The following NFXL1 variants were observed in gnomAD, a reference collection of about 807,000 sequenced individuals.
NFXL1 encodes NF-X1-type zinc finger protein NFXL1.
A neutral mutation model predicts 123.3 loss-of-function variants in NFXL1; 66 were observed. That is an observed-to-expected ratio of 0.54 (90% CI 0.44 to 0.66). The LOEUF (loss-of-function observed/expected upper bound fraction) is 0.66. Ranked by LOEUF, NFXL1 falls within the 30% of genes least tolerant of loss-of-function variation. The pLI is 0.00. For missense variants in NFXL1, 944 were observed against 1,125.6 expected (o/e 0.84, Z 2.31); for synonymous variants, 346 against 360.8 (o/e 0.96, Z 0.46).
intron 14 of NFXL1, among the ~76,000 whole-genome samples, chr4:47,885,035 G>A (rs138706816): frequency 1.9e-3 from 285 of 151,502 alleles, no homozygotes; most frequent in African/African-American, 6.7e-3. Flanking sequence ...GCTAAGGCAC[G>A]AGAGTCACTG....
chr4:47,898,075 C>T lies in NFXL1; in HGVS notation c.1096G>A (p.Gly366Arg). 1 of 1,590,662 alleles carries T rather than the reference C, an allele frequency of 6.3e-7. No homozygotes were observed. Among genetic ancestry groups the T allele is most frequent in the Non-Finnish European group, 8.6e-7 (1 of 1,168,250 alleles). Residue 366 changes from glycine (G) to arginine (R), a missense_variant, in exon 9 of 23, where the codon GGA becomes AGA. Gly to Arg is a moderately radical substitution (Grantham distance 125, BLOSUM62 -2). Transcript: ENST00000507489. Reference sequence around the variant, plus strand: ...TGATTACCACATGGCAGTGTTTTTCCACATACCTAAAATAAAATGCAATAA... The same window carrying T: ...TGATTACCACATGGCAGTGTTTTTCTACATACCTAAAATAAAATGCAATAA... Reference protein sequence around the residue: ...SPLWHCDQVCGKTLPCGNHTC... With the variant: ...SPLWHCDQVCRKTLPCGNHTC...
Position 47,894,314 on chromosome 4 carries a change from A to G in NFXL1, c.1330-12T>C, listed in dbSNP as rs987145347. 6.4e-7 allele frequency: 1 copy of G among 1,558,150 alleles called. No individual in the cohort carries two copies. Among genetic ancestry groups the G allele is most frequent in the Admixed American group, 2.0e-5 (1 of 51,254 alleles). ...TGCTTTTCCACTTCCTGGAAGAATA[A>G]AAGAAATGCTATTAAAATTGATTTT... On this transcript the variant is annotated splice_polypyrimidine_tract_variant and intron_variant, in intron 10 of 22. Coordinates refer to ENST00000507489, the MANE Select transcript of NFXL1 (RefSeq NM_001278624.2).
chr4:47,895,748 A>G (rs1180555196), intron 10 of NFXL1, among the ~76,000 whole-genome samples: 1 of 152,214 alleles, frequency 6.6e-6, no homozygotes, highest in African/African-American at 2.4e-5. Flanking sequence ...ACATTCCTGT[A>G]TTCACTGCAG....
chr4:47,899,149 A>G, intron 6 of NFXL1, 29 bp from the exon 7 acceptor site: 2 of 1,538,334 alleles, frequency 1.3e-6, no homozygotes, highest in Non-Finnish European at 1.7e-6. Context: ...AAAAAAAAAA[A>G]AAAAAAAAAA....
intron 15 of NFXL1, among the ~76,000 whole-genome samples, chr4:47,883,012 T>C (rs1002695276): frequency 1.3e-5 from 2 of 152,212 alleles, no homozygotes; most frequent in Non-Finnish European, 2.9e-5. Flanking sequence ...GGGAGAAAAC[T>C]TTTAATCTTT....
chr4:47,859,924 T>C (rs1312139552), intron 19 of NFXL1, among the ~76,000 whole-genome samples: 1 of 101,884 alleles, frequency 9.8e-6, no homozygotes, highest in Non-Finnish European at 2.1e-5. Context: ...ACGTGAAATA[T>C]AAAAAAACTG....
intron 18 of NFXL1, among the ~76,000 whole-genome samples, chr4:47,871,498 G>C (rs1212974532): frequency 6.6e-6 from 1 of 152,170 alleles, no homozygotes; most frequent in Non-Finnish European, 1.5e-5. Flanking sequence ...CACGTGTGTT[G>C]TTCTTGAGAG....
Position 47,912,603 on chromosome 4 carries a change from C to T in NFXL1, c.235+1366G>A, listed in dbSNP as rs562813293. Reference sequence around the variant, plus strand: ...CCTCCCGAGTAGCTGGGACTACAGGCGCCTGCCACCCCGCCCGGCTAATTT... The same window carrying T: ...CCTCCCGAGTAGCTGGGACTACAGGTGCCTGCCACCCCGCCCGGCTAATTT... On this transcript the variant is annotated intron_variant, in intron 2 of 22. Coordinates refer to ENST00000507489, the MANE Select transcript of NFXL1 (RefSeq NM_001278624.2). Among the ~76,000 whole-genome samples the T allele has an allele frequency of 1.9e-4, 29 of 149,692 alleles. No individual in the cohort carries two copies. In the East Asian group the frequency reaches 2.6e-3, roughly 13 times the overall value.
At chr4:47,882,974 A>C (rs1736204545) in intron 15 of NFXL1, among the ~76,000 whole-genome samples, 1 of 152,214 alleles carries the variant, frequency 6.6e-6, no homozygotes, top group Non-Finnish European at 1.5e-5. Flanking sequence ...TGGCAGGAGC[A>C]GGCATCCTAG....
chr4:47,905,363 T>A lies in NFXL1; in HGVS notation c.407-17A>T. On this transcript the variant is annotated splice_polypyrimidine_tract_variant and intron_variant, in intron 3 of 22. Coordinates refer to ENST00000507489, the MANE Select transcript of NFXL1 (RefSeq NM_001278624.2). Reference sequence around the variant, plus strand: ...TATCTCCATCTGGAAATTTAAAGATTGAAAATCTCACCCTAAACAACATCT... The same window carrying A: ...TATCTCCATCTGGAAATTTAAAGATAGAAAATCTCACCCTAAACAACATCT... The A allele has an allele frequency of 8.0e-7, 1 of 1,249,850 alleles. No individual in the cohort carries two copies. The highest frequency in any genetic ancestry group is 1.2e-6 in the Non-Finnish European group (1 of 855,644). 77.4% of individuals were successfully genotyped at this position (1,249,850 alleles called of 1,614,324 possible). A position where few individuals can be genotyped will look rare whatever the true frequency, so the allele number is the denominator to read the frequency against.
Position 47,911,937 on chromosome 4 carries a change from G to T in NFXL1, c.236-943C>A, listed in dbSNP as rs867678265. 2.6e-5 allele frequency among the ~76,000 whole-genome samples: 4 copies of T among 152,082 alleles called. No individual in the cohort carries two copies. In the South Asian group the frequency reaches 8.3e-4, roughly 32 times the overall value. On this transcript the variant is annotated intron_variant, in intron 2 of 22. Transcript: ENST00000507489. ...AGTTCATGAATTCCCATCTTGAGAG[G>T]ATTTTAAATTTACTGATTGACTATT... is the stretch of plus-strand genomic sequence containing the variant.
intron 21 of NFXL1, among the ~76,000 whole-genome samples, 174 bp from the exon 22 acceptor site, chr4:47,851,322 T>C (rs1734105064): frequency 6.6e-6 from 1 of 152,104 alleles, no homozygotes; most frequent in Non-Finnish European, 1.5e-5. Flanking sequence ...CACTATCTAA[T>C]AAATTGAAGG....
chr4:47,878,902 A>G (rs1163962007), intron 16 of NFXL1, among the ~76,000 whole-genome samples, 194 bp downstream of exon 16: 1 of 152,172 alleles, frequency 6.6e-6, no homozygotes, highest in African/African-American at 2.4e-5. Flanking sequence ...TCTGTAGTGA[A>G]TGCATATCCA....
At position 47,847,950 on chromosome 4, in the gene NFXL1, A is replaced by G; in HGVS notation, c.*213T>C. ...AAGCCTTATGAAATATTTTAGTTTC[A>G]GTCATGCCTTCACTTTAAAACAGTA... On this transcript the variant is annotated 3_prime_UTR_variant, in exon 23 of 23. Transcript: ENST00000507489. The G allele has an allele frequency of 3.4e-6, 1 of 290,042 alleles. No individual in the cohort carries two copies. The highest frequency in any genetic ancestry group is 5.7e-6 in the Non-Finnish European group (1 of 175,962). The allele number at this position is 290,042 out of a possible 1,614,324, so 18.0% of individuals were successfully genotyped here.
intron 12 of NFXL1, among the ~76,000 whole-genome samples, chr4:47,887,461 C>T (rs972518853): frequency 6.6e-6 from 1 of 152,104 alleles, no homozygotes; most frequent in Non-Finnish European, 1.5e-5. Context: ...GGTAAAACAT[C>T]GTAGGGTCAA....
chr4:47,856,031 T>C (rs1338525490), intron 19 of NFXL1, among the ~76,000 whole-genome samples: 2 of 152,310 alleles, frequency 1.3e-5, no homozygotes, highest in Non-Finnish European at 1.5e-5. Flanking sequence ...GCTTGTGGTG[T>C]CTTGAAATTT....
Position 47,849,433 on chromosome 4 carries a change from C to T in NFXL1, c.2563-1097G>A, listed in dbSNP as rs754741176. Among the ~76,000 whole-genome samples, 34 of 151,884 alleles carry T rather than the reference C, an allele frequency of 2.2e-4. 1 individual carries two copies. Among genetic ancestry groups the T allele is most frequent in the Non-Finnish European group, 7.4e-5 (5 of 67,934 alleles). ...AAATATATATGTATTTAATAATATC[C>T]ACCTAAAACTTTGTAAATGGTTATT... is the stretch of plus-strand genomic sequence containing the variant. On this transcript the variant is annotated intron_variant, in intron 22 of 22. Transcript: ENST00000507489.
At chr4:47,856,999 T>C (rs1321419238) in intron 19 of NFXL1, among the ~76,000 whole-genome samples, 1 of 152,180 alleles carries the variant, frequency 6.6e-6, no homozygotes, top group Non-Finnish European at 1.5e-5. Context: ...TCAAAATACG[T>C]CTCTATATCC....
At chr4:47,876,314 TAAGA>T (rs1427818159) in intron 17 of NFXL1, among the ~76,000 whole-genome samples, 2 of 151,958 alleles carry the variant, frequency 1.3e-5, no homozygotes, top group Non-Finnish European at 2.9e-5. Context: ...TAAAGCAGGA[TAAGA>T]AAGAGTGATG....
Sources: allele counts gnomAD v4.1 joint callset (sites outside exome capture counted in the v4.1 genomes callset), GRCh38; gene constraint gnomAD v4.1.1; transcripts MANE v1.5; gene names NCBI Gene and HGNC (gene_info 2026-07-23, HGNC 2026-07-21).